SNX18: variants seen among roughly 807,000 people sequenced by gnomAD.
SNX18 encodes the protein sorting nexin 18.
A neutral mutation model predicts 48.7 loss-of-function variants in SNX18; 35 were observed. That is an observed-to-expected ratio of 0.72 (90% confidence interval 0.55 to 0.95). The LOEUF (loss-of-function observed/expected upper bound fraction) is 0.95, where lower values mean the gene tolerates loss of function less well. Among genes scored for constraint, SNX18 ranks in the 40% least tolerant of loss-of-function variants. SNX18 has a pLI of 0.00. For synonymous variants in SNX18, 492 were observed against 384.7 expected (o/e 1.28, Z -3.26); for missense variants, 824 against 871.0 (o/e 0.95, Z 0.68).
the SNX18 span, among the ~76,000 whole-genome samples, chr5:54,553,818 C>G: frequency 6.6e-6 from 1 of 152,204 alleles, no homozygotes; most frequent in East Asian, 1.9e-4. Flanking sequence ...GGGGCTGCCT[C>G]TGATTAGCTC....
the SNX18 span, among the ~76,000 whole-genome samples, chr5:54,606,362 G>T: frequency 2.0e-4 from 31 of 152,216 alleles, no homozygotes; most frequent in Admixed American, 5.2e-4. Context: ...AAGTTATTAG[G>T]CTGCCTCTGA....
intron 1 of SNX18, among the ~76,000 whole-genome samples, chr5:54,539,096 G>A (rs571935305): frequency 4.2e-4 from 64 of 152,150 alleles, no homozygotes; most frequent in Non-Finnish European, 7.5e-4. Flanking sequence ...GCAGTGGTGC[G>A]ATCATAGCTC....
Position 54,519,522 on chromosome 5 carries a change from C to G in SNX18, c.1570C>G (p.Leu524Val). Residue 524 changes from leucine (L) to valine (V), a missense_variant, in exon 1 of 2, where the codon CTG becomes GTG. By Grantham distance (32) the Leu-to-Val change is conservative (BLOSUM62 1). This residue lies in a region of SNX18 where 443 missense variants were observed against 503.6 expected (regional missense o/e 0.88). Transcript: ENST00000381410. ...GGATCCCGTCATGGACCTATTAGCGCTGTATCAGGGGCATCTGGCTAACTT... is the reference window on the plus strand; with the variant it reads ...GGATCCCGTCATGGACCTATTAGCGGTGTATCAGGGGCATCTGGCTAACTT... ...DLDPVMDLLA[L>V]YQGHLANFPD... 6.2e-7 allele frequency: 1 copy of G among 1,614,216 alleles called. No individual in the cohort carries two copies. The highest frequency in any genetic ancestry group is 8.5e-7 in the Non-Finnish European group (1 of 1,180,034).
chr5:54,523,004 G>A (rs961516090), intron 1 of SNX18, among the ~76,000 whole-genome samples: 4 of 152,064 alleles, frequency 2.6e-5, no homozygotes, highest in African/African-American at 7.2e-5. Flanking sequence ...TGTAGTCTGC[G>A]GTACATTAGA....
chr5:54,519,944 C>G (rs774317004), intron 1 of SNX18: 2 of 907,900 alleles, frequency 2.2e-6, no homozygotes, highest in Non-Finnish European at 3.3e-6. Flanking sequence ...GAACACTGCA[C>G]TGTCACTTAG....
the SNX18 span, among the ~76,000 whole-genome samples, chr5:54,632,477 C>T: frequency 6.6e-6 from 1 of 152,176 alleles, no homozygotes; most frequent in East Asian, 1.9e-4. Flanking sequence ...TGGACACAGT[C>T]AAATCACAGT....
At chr5:54,615,083 T>A in the SNX18 span, among the ~76,000 whole-genome samples, 1 of 152,202 alleles carries the variant, frequency 6.6e-6, no homozygotes, top group Non-Finnish European at 1.5e-5. Context: ...ATGGAGGGGA[T>A]GTTCAGGGCT....
At chr5:54,588,010 A>G in the SNX18 span, among the ~76,000 whole-genome samples, 1 of 152,204 alleles carries the variant, frequency 6.6e-6, no homozygotes, top group South Asian at 2.1e-4. Flanking sequence ...TTCTCCTTTC[A>G]TAGAAGGAGG....
At chr5:54,609,040 G>A in the SNX18 span, among the ~76,000 whole-genome samples, 126 of 152,254 alleles carry the variant, frequency 8.3e-4, no homozygotes, top group South Asian at 3.1e-3. Flanking sequence ...ACTCTGTGAT[G>A]AGGTTGGGAG....
At chr5:54,594,343 A>G in the SNX18 span, among the ~76,000 whole-genome samples, 9 of 152,326 alleles carry the variant, frequency 5.9e-5, no homozygotes, top group South Asian at 1.5e-3. Context: ...GACCATATGC[A>G]TTTGTCAAAA....
At chr5:54,540,460 C>T (rs1762446922) in intron 1 of SNX18, among the ~76,000 whole-genome samples, 1 of 151,876 alleles carries the variant, frequency 6.6e-6, no homozygotes, top group African/African-American at 2.4e-5. Flanking sequence ...CAACCCATCC[C>T]CCTGCCTCAG....
chr5:54,527,362 G>GC lies in SNX18; in HGVS notation c.1621+7789_1621+7790insC, dbSNP rs1175380756. Among the ~76,000 whole-genome samples the GC allele has an allele frequency of 1.1e-4, 17 of 151,978 alleles. No individual in the cohort carries two copies. In the East Asian group the frequency reaches 1.8e-3, roughly 16 times the overall value. On this transcript the variant is annotated intron_variant, in intron 1 of 1. Transcript: ENST00000381410. Reference sequence around the variant, plus strand: ...CAGAGGTGGTGGTCGGGGAGCCGGGGGGGGGGGTCCCCCTCCAGCTATATT... The same window carrying GC: ...CAGAGGTGGTGGTCGGGGAGCCGGGGCGGGGGGGTCCCCCTCCAGCTATATT...
the SNX18 span, among the ~76,000 whole-genome samples, chr5:54,631,789 A>G: frequency 6.6e-6 from 1 of 152,212 alleles, no homozygotes; most frequent in Non-Finnish European, 1.5e-5. Flanking sequence ...TTTTCTGAGT[A>G]GATGTGAGAT....
the SNX18 span, among the ~76,000 whole-genome samples, chr5:54,599,800 T>A: frequency 2.0e-5 from 3 of 152,344 alleles, no homozygotes; most frequent in East Asian, 5.8e-4. Flanking sequence ...AAATTGAAAC[T>A]GGACCACTTC....
chr5:54,616,837 T>C, the SNX18 span, among the ~76,000 whole-genome samples: 26 of 152,274 alleles, frequency 1.7e-4, no homozygotes, highest in Middle Eastern at 3.4e-3. Context: ...CTTCATAACT[T>C]GCCTGTGTTT....
chr5:54,571,137 T>C, the SNX18 span, among the ~76,000 whole-genome samples: 3 of 152,212 alleles, frequency 2.0e-5, no homozygotes, highest in South Asian at 2.1e-4. Context: ...GTTTTTTTTT[T>C]CTCAAGTTCA....
chr5:54,572,949 T>G, the SNX18 span, among the ~76,000 whole-genome samples: 1 of 151,098 alleles, frequency 6.6e-6, no homozygotes. Flanking sequence ...GACTCCATTT[T>G]GAGTAAGGGC....
At position 54,517,978 on chromosome 5, in the gene SNX18, A is replaced by G; in HGVS notation, c.26A>G (p.Tyr9Cys). MALRARAL[Y>C]DFRSENPGEI... ...ATGGCGCTGCGCGCCCGGGCGCTGT[A>G]CGACTTCAGGTCGGAGAACCCAGGA... Residue 9 changes from tyrosine to cysteine, a missense_variant, in exon 1 of 2, where the codon TAC becomes TGC. Physicochemically the swap from Tyr to Cys is radical, Grantham distance 194 (BLOSUM62 -2). Transcript: ENST00000381410. The G allele has an allele frequency of 1.3e-6, 2 of 1,534,208 alleles. No individual in the cohort carries two copies. The highest frequency in any genetic ancestry group is 8.8e-7 in the Non-Finnish European group (1 of 1,142,598).
At chr5:54,615,447 T>G in the SNX18 span, among the ~76,000 whole-genome samples, 1 of 150,966 alleles carries the variant, frequency 6.6e-6, no homozygotes, top group Non-Finnish European at 1.5e-5. Flanking sequence ...CCAGCTTGGG[T>G]CATCTCCTCT....
Sources: gnomAD v4.1 joint callset for allele counts (sites outside exome capture counted in the v4.1 genomes callset) on GRCh38, gnomAD v4.1.1 for gene constraint, gnomAD v4.1.1 regional missense constraint, MANE v1.5 for transcripts, NCBI Gene and HGNC (gene_info 2026-07-23, HGNC 2026-07-21) for gene names.